BARHL2: variants seen among roughly 807,000 people sequenced by gnomAD.
BARHL2 encodes the protein BarH like homeobox 2, also known as barH-like 2 homeobox protein.
BARHL2 carries 10 observed loss-of-function variants against 27.1 expected under a neutral mutation model. The ratio of observed to expected loss-of-function variants is 0.37; its 90% CI spans 0.23 to 0.63. The LOEUF is 0.63. Ranked by LOEUF, BARHL2 falls within the 20% of genes least tolerant of loss-of-function variation. BARHL2 has a pLI of 0.65. For missense variants in BARHL2, 483 were observed against 533.5 expected, an observed-to-expected ratio of 0.91 and a Z score of 0.93; for synonymous variants, 248 against 224.7, an observed-to-expected ratio of 1.10 and a Z score of -0.93.
intron 1 of BARHL2, among the ~76,000 whole-genome samples, chr1:90,715,667 T>G (rs1557467649): frequency 6.6e-6 from 1 of 152,170 alleles, no homozygotes; most frequent in East Asian, 1.9e-4. Flanking sequence ...TCAGTACATT[T>G]CTTTACCAGA....
In BARHL2 at chr1:90,717,233, C is replaced by G; in HGVS notation, c.-38G>C. Reference sequence around the variant, plus strand: ...TCCACGCCACTCCGCCGTTCAGCAGCCGCCCCGAACCAGCGAAGAAAGCTA... The same window carrying G: ...TCCACGCCACTCCGCCGTTCAGCAGGCGCCCCGAACCAGCGAAGAAAGCTA... On this transcript the variant is annotated 5_prime_UTR_variant, in exon 1 of 3. Coordinates refer to ENST00000370445, the MANE Select transcript of BARHL2 (RefSeq NM_020063.2). 6.3e-7 allele frequency: 1 copy of G among 1,578,954 alleles called. No individual in the cohort carries two copies. Among genetic ancestry groups the G allele is most frequent in the African/African-American group, 1.4e-5 (1 of 72,164 alleles).
rs1181085007 is a variant in BARHL2 at position 90,711,956 on chromosome 1, CT to C, written c.*355del. 1 of 158,530 alleles carries C rather than the reference CT, an allele frequency of 6.3e-6. No individual in the cohort carries two copies. Among genetic ancestry groups the C allele is most frequent in the African/African-American group, 2.4e-5 (1 of 41,092 alleles). 9.8% of individuals were successfully genotyped at this position (158,530 alleles called of 1,614,324 possible). On this transcript the variant is annotated 3_prime_UTR_variant, in exon 3 of 3. Transcript: ENST00000370445. ...TTTCTTCCCTCCTTAGCCCTCCCCCCTCCCTCCCTCCTGCTTGTCCCTAAAG... is the reference window on the plus strand; with the variant it reads ...TTTCTTCCCTCCTTAGCCCTCCCCCCCCCTCCCTCCTGCTTGTCCCTAAAG...
In BARHL2 at chr1:90,716,935, G is replaced by A. The variant is rs1174769009; in HGVS notation, c.261C>T (p.His87=). 5.0e-6 allele frequency: 8 copies of A among 1,612,304 alleles called. No homozygotes were observed. In the Admixed American group the frequency reaches 1.2e-4, roughly 24 times the overall value. ...LVADATQHHH[H]LHHSQQPPPP... is the part of the protein sequence containing the mutation. The stretch of plus-strand genomic sequence containing the variant: ...GCGGCGGCTGCTGGCTGTGGTGGAG[G>A]TGGTGATGATGCTGGGTCGCGTCTG... Residue 87 remains histidine, a synonymous_variant, in exon 1 of 3, where the codon CAC becomes CAT. Transcript: ENST00000370445.
At chr1:90,714,062 C>A (rs1372863326) in intron 2 of BARHL2, among the ~76,000 whole-genome samples, 1 of 152,190 alleles carries the variant, frequency 6.6e-6, no homozygotes, top group Non-Finnish European at 1.5e-5. Flanking sequence ...AAAGCAAGGA[C>A]ATTTACGCCG....
Position 90,714,722 on chromosome 1 carries a change from A to G in BARHL2, c.660T>C (p.Ser220=), listed in dbSNP as rs769401597. Residue 220 remains serine (S), a synonymous_variant, in exon 2 of 3, where the codon AGT becomes AGC. Coordinates refer to ENST00000370445, the MANE Select transcript of BARHL2 (RefSeq NM_020063.2). ...CTCTCACAGGGGGACTCTCACGGCT[A>G]CTCGTAATCTCCCGGTCTCCTTCCT... ...TKEEGDREIT[S]SRESPPVRAK... The G allele has an allele frequency of 3.1e-6, 5 of 1,613,950 alleles. No individual in the cohort carries two copies. Among genetic ancestry groups the G allele is most frequent in the East Asian group, 4.5e-5 (2 of 44,888 alleles).
At position 90,712,168 on chromosome 1, in the gene BARHL2, T is replaced by C; in HGVS notation, c.*144A>G. Reference sequence around the variant, plus strand: ...TCTTTGGGGGTCCCCTGCCCACTGGTAAGCATCTTCCTCTCTTACTCCTCT... The same window carrying C: ...TCTTTGGGGGTCCCCTGCCCACTGGCAAGCATCTTCCTCTCTTACTCCTCT... On this transcript the variant is annotated 3_prime_UTR_variant, in exon 3 of 3. Transcript: ENST00000370445. The C allele has an allele frequency of 2.2e-6, 2 of 902,158 alleles. No homozygotes were observed. The highest frequency in any genetic ancestry group is 2.8e-5 in the East Asian group (1 of 35,450). The allele number at this position is 902,158 out of a possible 1,614,324, so 55.9% of individuals were successfully genotyped here.
At chr1:90,713,298 GT>G (rs1225627952) in intron 2 of BARHL2, among the ~76,000 whole-genome samples, 2 of 152,228 alleles carry the variant, frequency 1.3e-5, no homozygotes, top group Non-Finnish European at 2.9e-5. Context: ...CCATTCTGAG[GT>G]GGGGGTGAAT....
In BARHL2 at chr1:90,712,489, C is replaced by T. The variant is rs750047158; in HGVS notation, c.987G>A (p.Thr329=). Residue 329 remains threonine, a synonymous_variant, in exon 3 of 3, where the codon ACG becomes ACA. Transcript: ENST00000370445. ...ACATGGCAGCGGCAGCCGCCGCCGC[C>T]GTAGTGCTGTCCATGCTGCCCAGCA... ...PSLLGSMDST[T]AAAAAAAMYS... 4.7e-5 allele frequency: 76 copies of T among 1,613,600 alleles called. 2 individuals carry two copies. In the Middle Eastern group the frequency reaches 8.2e-4, roughly 17 times the overall value.
At chr1:90,715,663 C>T (rs1658128979) in intron 1 of BARHL2, among the ~76,000 whole-genome samples, 1 of 152,106 alleles carries the variant, frequency 6.6e-6, no homozygotes, top group South Asian at 2.1e-4. Context: ...CCAGTCAGTA[C>T]ATTTCTTTAC....
intron 2 of BARHL2, among the ~76,000 whole-genome samples, chr1:90,714,208 A>G (rs893739354): frequency 6.6e-6 from 1 of 152,250 alleles, no homozygotes; most frequent in African/African-American, 2.4e-5. Context: ...TGTCAGCTGC[A>G]CAGATGTCTC....
In BARHL2 at chr1:90,716,974, C is replaced by A. The variant is rs377127285; in HGVS notation, c.222G>T (p.Glu74Asp). Residue 74 changes from glutamate (E) to aspartate (D), a missense_variant, in exon 1 of 3, where the codon GAG becomes GAT. Physicochemically the swap from Glu to Asp is conservative, Grantham distance 45 (BLOSUM62 2). Coordinates refer to ENST00000370445, the MANE Select transcript of BARHL2 (RefSeq NM_020063.2). The stretch of plus-strand genomic sequence containing the variant: ...GGGTCGCGTCTGCTACCAGATGCGG[C>A]TCCGGGGGCTCCATGGTGACTGAGA... ...SPISVTMEPP[E>D]PHLVADATQH... The A allele has an allele frequency of 3.5e-5, 56 of 1,613,328 alleles. No individual in the cohort carries two copies. Among genetic ancestry groups the A allele is most frequent in the Non-Finnish European group, 4.7e-5 (56 of 1,179,768 alleles).
chr1:90,717,220 C>G lies in BARHL2; in HGVS notation c.-25G>C, dbSNP rs766243905. 1 of 1,596,542 alleles carries G rather than the reference C, an allele frequency of 6.3e-7. No homozygotes were observed. ...TTGCTACATGAGGTCCACGCCACTC[C>G]GCCGTTCAGCAGCCGCCCCGAACCA... On this transcript the variant is annotated 5_prime_UTR_variant, in exon 1 of 3. Coordinates refer to ENST00000370445, the MANE Select transcript of BARHL2 (RefSeq NM_020063.2).
rs1225054205 is a variant in BARHL2, at chr1:90,711,774, AG to A, written c.*537del. 6.6e-6 allele frequency: 1 copy of A among 152,166 alleles called. No homozygotes were observed. Among genetic ancestry groups the A allele is most frequent in the Non-Finnish European group, 1.5e-5 (1 of 68,068 alleles). 9.4% of individuals were successfully genotyped at this position (152,166 alleles called of 1,614,324 possible). A position where few individuals can be genotyped will look rare whatever the true frequency, so the allele number is the denominator to read the frequency against. ...TTATGGAGCATGCCACTTTTCCAAA[AG>A]AAAAAAGGTCATGAGAAATCAGTGC... On this transcript the variant is annotated 3_prime_UTR_variant, in exon 3 of 3. Coordinates refer to ENST00000370445, the MANE Select transcript of BARHL2 (RefSeq NM_020063.2).
chr1:90,716,514 G>A lies in BARHL2; in HGVS notation c.625+57C>T, dbSNP rs573334557. 12 of 1,561,178 alleles carry A rather than the reference G, an allele frequency of 7.7e-6. No individual in the cohort carries two copies. The South Asian group carries it at 1.3e-4, about 17-fold the overall frequency. ...GAGATCTGCTGAAGGCTGAAGGGGA[G>A]ATTGGGAACCAGGAGGACAAGCTAG... is the stretch of plus-strand genomic sequence containing the variant. On this transcript the variant is annotated intron_variant, in intron 1 of 2. Coordinates refer to ENST00000370445, the MANE Select transcript of BARHL2 (RefSeq NM_020063.2).
At position 90,716,512 on chromosome 1, in the gene BARHL2, G is replaced by T. The variant is rs1271924739; in HGVS notation, c.625+59C>A. 2.6e-6 allele frequency: 4 copies of T among 1,548,568 alleles called. No individual in the cohort carries two copies. In the African/African-American group the frequency reaches 4.1e-5, roughly 16 times the overall value. On this transcript the variant is annotated intron_variant, in intron 1 of 2. Transcript: ENST00000370445. Reference sequence around the variant, plus strand: ...CAGAGATCTGCTGAAGGCTGAAGGGGAGATTGGGAACCAGGAGGACAAGCT... The same window carrying T: ...CAGAGATCTGCTGAAGGCTGAAGGGTAGATTGGGAACCAGGAGGACAAGCT...
At chr1:90,712,960 C>T (rs1184544441) in intron 2 of BARHL2, among the ~76,000 whole-genome samples, 1 of 152,158 alleles carries the variant, frequency 6.6e-6, no homozygotes, top group Non-Finnish European at 1.5e-5. Context: ...TCCTTAGGGC[C>T]AAAGGAGACT....
In BARHL2 at chr1:90,712,061, T is replaced by A. The variant is rs2100639285; in HGVS notation, c.*251A>T. On this transcript the variant is annotated 3_prime_UTR_variant, in exon 3 of 3. Coordinates refer to ENST00000370445, the MANE Select transcript of BARHL2 (RefSeq NM_020063.2). Reference sequence around the variant, plus strand: ...GGTTGCACTCTGTGTGGGGTCAGCATTTTCACCAGTCACACTGCTGTGGGG... The same window carrying A: ...GGTTGCACTCTGTGTGGGGTCAGCAATTTCACCAGTCACACTGCTGTGGGG... 2.6e-6 allele frequency: 1 copy of A among 385,100 alleles called. No individual in the cohort carries two copies. The highest frequency in any genetic ancestry group is 2.1e-5 in the African/African-American group (1 of 48,706). The allele number at this position is 385,100 out of a possible 1,614,324, so 23.9% of individuals were successfully genotyped here. A position where few individuals can be genotyped will look rare whatever the true frequency, so the allele number is the denominator to read the frequency against.
Position 90,716,939 on chromosome 1 carries a change from T to C in BARHL2, c.257A>G (p.His86Arg). The change falls in exon 1 of 3, where the codon CAC becomes CGC. Residue 86 changes from histidine (H) to arginine (R), a missense_variant. Physicochemically the swap from His to Arg is conservative, Grantham distance 29. Transcript: ENST00000370445. ...HLVADATQHH[H>R]HLHHSQQPPP... ...CGGCTGCTGGCTGTGGTGGAGGTGGTGATGATGCTGGGTCGCGTCTGCTAC... is the reference window on the plus strand; with the variant it reads ...CGGCTGCTGGCTGTGGTGGAGGTGGCGATGATGCTGGGTCGCGTCTGCTAC... 6.2e-7 allele frequency: 1 copy of C among 1,611,500 alleles called. No individual in the cohort carries two copies. The highest frequency in any genetic ancestry group is 8.5e-7 in the Non-Finnish European group (1 of 1,179,242).
chr1:90,715,923 G>A (rs1210559408), intron 1 of BARHL2, among the ~76,000 whole-genome samples: 2 of 151,840 alleles, frequency 1.3e-5, no homozygotes, highest in African/African-American at 4.8e-5. Flanking sequence ...TACTTGTAAG[G>A]GGCCAAAAAT....
Sources: allele counts gnomAD v4.1 joint callset (sites outside exome capture counted in the v4.1 genomes callset), GRCh38; gene constraint gnomAD v4.1.1; transcripts MANE v1.5; gene names NCBI Gene and HGNC (gene_info 2026-07-23, HGNC 2026-07-21).